DCAF11: variants seen among roughly 807,000 people sequenced by gnomAD.
DCAF11 encodes DDB1 and CUL4 associated factor 11.
DCAF11 carries 44 observed loss-of-function variants against 76.1 expected under a neutral mutation model. The ratio of observed to expected loss-of-function variants is 0.58; its 90% CI spans 0.45 to 0.74. The LOEUF (loss-of-function observed/expected upper bound fraction) is 0.74. Ranked by LOEUF, DCAF11 falls within the 30% of genes least tolerant of loss-of-function variation. DCAF11 has a pLI of 0.00. For synonymous variants in DCAF11, 258 were observed against 255.0 expected (o/e 1.01, Z -0.11); for missense variants, 604 against 709.4 (o/e 0.85, Z 1.69).
At position 24,118,757 on chromosome 14, in the gene DCAF11, C is replaced by T. The variant is rs766348751; in HGVS notation, c.732C>T (p.Ile244=). Residue 244 remains isoleucine (I), a synonymous_variant, in exon 8 of 15, where the codon ATC becomes ATT. Coordinates refer to ENST00000446197, the MANE Select transcript of DCAF11 (RefSeq NM_025230.5). ...TTTTCTTGCTTCTCTTAGTTCATAT[C>T]TGCAATATCTATGGTGAGGGAGATA... ...LYSSWSDYIH[I]CNIYGEGDTH... is the part of the protein sequence containing the mutation. 2 of 1,614,104 alleles carry T rather than the reference C, an allele frequency of 1.2e-6. No homozygotes were observed. Among genetic ancestry groups the T allele is most frequent in the Non-Finnish European group, 1.7e-6 (2 of 1,179,990 alleles).
intron 11 of DCAF11, among the ~76,000 whole-genome samples, chr14:24,120,585 A>G (rs2037672149): frequency 6.6e-6 from 1 of 152,200 alleles, no homozygotes; most frequent in Non-Finnish European, 1.5e-5. Flanking sequence ...TAAAAATTAA[A>G]AAAAGAAAAA....
Sources: allele counts gnomAD v4.1 joint callset (sites outside exome capture counted in the v4.1 genomes callset), GRCh38; gene constraint gnomAD v4.1.1; transcripts MANE v1.5; gene names NCBI Gene and HGNC (gene_info 2026-07-23, HGNC 2026-07-21).